Variants in NTM observed in about 807,000 individuals in gnomAD.
NTM encodes IgLON family member 2.
NTM carries 13 observed loss-of-function variants against 42.1 expected under a neutral mutation model. The observed-to-expected ratio is 0.31, with a 90% CI of 0.20 to 0.49. The LOEUF is 0.49. Among genes scored for constraint, NTM ranks in the 20% least tolerant of loss-of-function variants. NTM has a pLI of 0.99. For missense variants in NTM, 373 were observed against 452.8 expected, an observed-to-expected ratio of 0.82 and a Z score of 1.60; for synonymous variants, 187 against 179.2, an observed-to-expected ratio of 1.04 and a Z score of -0.35.
intron 1 of NTM, among the ~76,000 whole-genome samples, chr11:131,414,972 C>T (rs1477872410): frequency 6.6e-6 from 1 of 152,204 alleles, no homozygotes; most frequent in Non-Finnish European, 1.5e-5. Flanking sequence ...AGTCTCCCCA[C>T]TTGCTTCTGA....
intron 1 of NTM, among the ~76,000 whole-genome samples, chr11:131,442,361 G>A (rs1234591816): frequency 1.3e-5 from 2 of 152,200 alleles, no homozygotes; most frequent in African/African-American, 2.4e-5. Context: ...AATAGCAGCA[G>A]CAGCAGCAGC....
At chr11:131,712,671 C>G (rs891418796) in intron 1 of NTM, among the ~76,000 whole-genome samples, 3 of 152,060 alleles carry the variant, frequency 2.0e-5, no homozygotes, top group South Asian at 4.2e-4. Flanking sequence ...TGCCTTGGCA[C>G]GATCTCAGCT....
At chr11:131,438,179 G>A (rs1949307209) in intron 1 of NTM, among the ~76,000 whole-genome samples, 1 of 152,304 alleles carries the variant, frequency 6.6e-6, no homozygotes, top group East Asian at 1.9e-4. Flanking sequence ...TCCATTTGCT[G>A]TTAACCTGAC....
At chr11:131,699,789 C>T (rs12419838) in intron 1 of NTM, among the ~76,000 whole-genome samples, 56,957 of 151,938 alleles carry the variant, frequency 0.37, 13,117 homozygotes, top group Non-Finnish European at 0.51. Flanking sequence ...GGTAACCACC[C>T]CCATGATTAA....
intron 4 of NTM, among the ~76,000 whole-genome samples, chr11:132,286,751 G>A (rs2094251617): frequency 6.6e-6 from 1 of 152,200 alleles, no homozygotes. Flanking sequence ...TGTGGCTAGA[G>A]CAGGGCACAG....
Position 131,385,738 on chromosome 11 carries a change from T to A in NTM, c.82+14850T>A, listed in dbSNP as rs185062634. On this transcript the variant is annotated intron_variant, in intron 1 of 8. Coordinates refer to ENST00000683400, the MANE Select transcript of NTM (RefSeq NM_001352005.2). ...CAGGCGCAGAGGTGCACACCTGTAG[T>A]CCCATCTACTCAGGGGGCTGAAGTG... 1.4e-3 allele frequency among the ~76,000 whole-genome samples: 210 copies of A among 152,246 alleles called. 4 individuals carry two copies. The East Asian group carries it at 0.033, about 24-fold the overall frequency.
intron 2 of NTM, among the ~76,000 whole-genome samples, chr11:132,121,729 T>TC (rs1227935025): frequency 6.6e-6 from 1 of 152,002 alleles, no homozygotes; most frequent in Non-Finnish European, 1.5e-5. Flanking sequence ...CCTCTGTTCC[T>TC]CCCCCCTCTC....
chr11:131,582,938 T>G (rs2058545732), intron 1 of NTM, among the ~76,000 whole-genome samples: 1 of 152,220 alleles, frequency 6.6e-6, no homozygotes, highest in Non-Finnish European at 1.5e-5. Flanking sequence ...GGCCTGTACT[T>G]TCTTTTAACT....
In NTM at chr11:132,212,118, C is replaced by T. The variant is rs142960149; in HGVS notation, c.497C>T (p.Thr166Met). The change falls in exon 4 of 9, where the codon ACG (threonine) becomes ATG (methionine). Residue 166 changes from threonine (T) to methionine (M), a missense_variant. This residue lies in a region of NTM where 312 missense variants were observed against 353.5 expected (regional missense o/e 0.88). Transcript: ENST00000683400. ...ATAGCAACTGGTAGACCAGAGCCTA[C>T]GGTTACTTGGAGACACATCTCTCCC... ...TCIATGRPEP[T>M]VTWRHISPKA... is the part of the protein sequence containing the mutation. The T allele has an allele frequency of 2.4e-5, 39 of 1,613,112 alleles. No individual in the cohort carries two copies. Among genetic ancestry groups the T allele is most frequent in the East Asian group, 1.3e-4 (6 of 44,828 alleles).
chr11:131,525,005 G>A (rs927153173), intron 1 of NTM, among the ~76,000 whole-genome samples: 1 of 152,110 alleles, frequency 6.6e-6, no homozygotes, highest in African/African-American at 2.4e-5. Context: ...CCTGATAAAT[G>A]TTTAAGGTGA....
chr11:131,759,696 A>G (rs1279440106), intron 1 of NTM, among the ~76,000 whole-genome samples: 1 of 151,290 alleles, frequency 6.6e-6, no homozygotes, highest in African/African-American at 2.4e-5. Flanking sequence ...TGATTTTATT[A>G]CTTGGCTTGT....
At chr11:132,148,986 T>C (rs2071231696) in intron 3 of NTM, among the ~76,000 whole-genome samples, 1 of 152,178 alleles carries the variant, frequency 6.6e-6, no homozygotes, top group Admixed American at 6.5e-5. Flanking sequence ...TTTCGAATGC[T>C]GATGGGTGTA....
chr11:132,215,986 C>T (rs1397567130), intron 4 of NTM, among the ~76,000 whole-genome samples: 2 of 152,226 alleles, frequency 1.3e-5, no homozygotes, highest in Non-Finnish European at 2.9e-5. Context: ...GAACCCTAAC[C>T]TTCTGTAGGT....
chr11:132,158,963 G>C (rs566327826), intron 3 of NTM, among the ~76,000 whole-genome samples: 1 of 152,214 alleles, frequency 6.6e-6, no homozygotes, highest in East Asian at 1.9e-4. Context: ...GCAGGAGAGG[G>C]CCAGATCTCT....
rs2070338101 is a variant in NTM, at chr11:132,146,027, G to A, written c.168-255G>A. 6.6e-6 allele frequency among the ~76,000 whole-genome samples: 1 copy of A among 152,194 alleles called. No individual in the cohort carries two copies. Among genetic ancestry groups the A allele is most frequent in the Non-Finnish European group, 1.5e-5 (1 of 68,030 alleles). ...ATCCTGGGCATGCAAGGTACCTCTA[G>A]GTTATAACTGAGATCGTATTTGAAG... On this transcript the variant is annotated intron_variant, in intron 2 of 8. Coordinates refer to ENST00000683400, the MANE Select transcript of NTM (RefSeq NM_001352005.2). The surrounding 1 kb of genome is among the most constrained non-coding windows in gnomAD (Gnocchi z 4.5).
At chr11:131,509,749 G>T (rs1175603221) in intron 1 of NTM, among the ~76,000 whole-genome samples, 2 of 152,188 alleles carry the variant, frequency 1.3e-5, no homozygotes, top group African/African-American at 4.8e-5. Context: ...AGGAGGTTGG[G>T]ATTCTAATTC....
At chr11:131,804,538 G>A (rs916711503) in intron 1 of NTM, among the ~76,000 whole-genome samples, 7 of 152,196 alleles carry the variant, frequency 4.6e-5, no homozygotes, top group South Asian at 2.1e-4. Flanking sequence ...CTGGATCAGC[G>A]TTCCTTTTCC....
intron 1 of NTM, among the ~76,000 whole-genome samples, chr11:131,803,757 G>A (rs151162920): frequency 3.3e-5 from 5 of 152,090 alleles, no homozygotes; most frequent in Admixed American, 1.3e-4. Context: ...TGCCTCCCCC[G>A]AACCTGGCTG....
chr11:131,903,489 A>G (rs529507), intron 1 of NTM, among the ~76,000 whole-genome samples: 20,521 of 152,252 alleles, frequency 0.13, 1,605 homozygotes, highest in South Asian at 0.3. Context: ...AAGACTTTTA[A>G]TCATCTTGAC....
Sources: gnomAD v4.1 joint callset for allele counts (sites outside exome capture counted in the v4.1 genomes callset) on GRCh38, gnomAD v4.1.1 for gene constraint, gnomAD v4.1.1 regional missense constraint, Gnocchi (gnomAD v3.1) non-coding constraint, MANE v1.5 for transcripts, NCBI Gene and HGNC (gene_info 2026-07-23, HGNC 2026-07-21) for gene names.